The following ITPK1 variants were observed in gnomAD, a reference collection of about 807,000 sequenced individuals.
ITPK1 encodes inositol-tetrakisphosphate 1-kinase.
ITPK1 carries 21 observed loss-of-function variants against 45.3 expected under a neutral mutation model. The ratio of observed to expected loss-of-function variants is 0.46; its 90% CI spans 0.33 to 0.67. The LOEUF (loss-of-function observed/expected upper bound fraction) is 0.67, where lower values mean the gene tolerates loss of function less well. Among genes scored for constraint, ITPK1 ranks in the 30% least tolerant of loss-of-function variants. ITPK1 has a pLI of 0.02. For synonymous variants in ITPK1, 258 were observed against 253.6 expected, an observed-to-expected ratio of 1.02 and a Z score of -0.16; for missense variants, 474 against 573.5, an observed-to-expected ratio of 0.83 and a Z score of 1.77.
At chr14:92,987,880 G>A (rs972193701) in intron 5 of ITPK1, among the ~76,000 whole-genome samples, 25 of 152,166 alleles carry the variant, frequency 1.6e-4, no homozygotes, top group Admixed American at 6.5e-4. Flanking sequence ...ACGCCAGGAC[G>A]GCAGCTCACG....
intron 5 of ITPK1, among the ~76,000 whole-genome samples, chr14:92,991,939 T>C (rs2139805914): frequency 6.6e-6 from 1 of 152,276 alleles, no homozygotes; most frequent in South Asian, 2.1e-4. Flanking sequence ...TCATCCCAGG[T>C]ATCCTGACCC....
At chr14:92,963,238 C>T (rs1885184047) in intron 5 of ITPK1, among the ~76,000 whole-genome samples, 1 of 152,176 alleles carries the variant, frequency 6.6e-6, no homozygotes, top group Admixed American at 6.5e-5. Flanking sequence ...AAGCCATGAC[C>T]ATTTTTTCTG....
At chr14:93,059,887 G>A (rs1890444174) in intron 3 of ITPK1, among the ~76,000 whole-genome samples, 1 of 149,674 alleles carries the variant, frequency 6.7e-6, no homozygotes, top group Non-Finnish European at 1.5e-5. Flanking sequence ...CAGGGGTGGA[G>A]GGGGTGCAGG....
chr14:92,952,363 G>C (rs1887998036), intron 8 of ITPK1, among the ~76,000 whole-genome samples: 2 of 152,128 alleles, frequency 1.3e-5, no homozygotes, highest in African/African-American at 4.8e-5. Flanking sequence ...CTAAACACCT[G>C]AATATCACGG....
intron 4 of ITPK1, among the ~76,000 whole-genome samples, chr14:92,996,316 A>G (rs1314548547): frequency 6.6e-6 from 1 of 152,156 alleles, no homozygotes. Flanking sequence ...CATCACTCTG[A>G]GCAAACTATT....
At position 93,076,681 on chromosome 14, in the gene ITPK1, G is replaced by A; in HGVS notation, c.96-62C>T. On this transcript the variant is annotated intron_variant, in intron 2 of 10. Coordinates refer to ENST00000267615, the MANE Select transcript of ITPK1 (RefSeq NM_014216.6). The surrounding 1 kb of genome is among the most constrained non-coding windows in gnomAD (Gnocchi z 4.3). ...GCAGGCTGGACACGTCCTTTCCGAA[G>A]GTTCCCGACAGCCGGCTGAGGGCAG... The A allele has an allele frequency of 1.2e-6, 2 of 1,608,490 alleles. No individual in the cohort carries two copies. The highest frequency in any genetic ancestry group is 1.7e-6 in the Non-Finnish European group (2 of 1,175,108).
At chr14:92,976,065 C>T (rs1021642587) in intron 5 of ITPK1, among the ~76,000 whole-genome samples, 2 of 152,232 alleles carry the variant, frequency 1.3e-5, no homozygotes, top group East Asian at 3.8e-4. Flanking sequence ...CTAAGGCCTC[C>T]CTGGCCCTGC....
At chr14:93,090,587 T>C (rs1489929067) in intron 2 of ITPK1, among the ~76,000 whole-genome samples, 1 of 151,792 alleles carries the variant, frequency 6.6e-6, no homozygotes, top group Non-Finnish European at 1.5e-5. Flanking sequence ...TAGAGAGGAA[T>C]GAGCCCCATT....
At chr14:93,028,516 G>A (rs560723331) in intron 3 of ITPK1, among the ~76,000 whole-genome samples, 1 of 152,350 alleles carries the variant, frequency 6.6e-6, no homozygotes, top group South Asian at 2.1e-4. Flanking sequence ...AGGCAGCTGT[G>A]GGCAGACCTG....
At chr14:93,023,021 C>T (rs898757860) in intron 3 of ITPK1, among the ~76,000 whole-genome samples, 2 of 151,910 alleles carry the variant, frequency 1.3e-5, no homozygotes, top group Non-Finnish European at 2.9e-5. Flanking sequence ...TATAGCAGCC[C>T]CTTTTCTGTT....
chr14:92,940,682 G>A lies in ITPK1; in HGVS notation c.*879C>T, dbSNP rs1329079601. 7.8e-7 allele frequency: 1 copy of A among 1,282,256 alleles called. No individual in the cohort carries two copies. Among genetic ancestry groups the A allele is most frequent in the Non-Finnish European group, 1.0e-6 (1 of 985,426 alleles). The allele number at this position is 1,282,256 out of a possible 1,614,324, so 79.4% of individuals were successfully genotyped here. A position where few individuals can be genotyped will look rare whatever the true frequency, so the allele number is the denominator to read the frequency against. ...GGGGTTAGGGCACAAAGCCAGCCCT[G>A]TGGTGCTCTCTGATCTCAAATGTCC... On this transcript the variant is annotated 3_prime_UTR_variant, in exon 11 of 11. Transcript: ENST00000267615.
intron 5 of ITPK1, among the ~76,000 whole-genome samples, chr14:92,973,263 C>T (rs1338232533): frequency 6.6e-6 from 1 of 152,220 alleles, no homozygotes. Context: ...CAGTAAGAAC[C>T]ATCTCTCTGG....
At chr14:92,961,676 T>C (rs997551044) in intron 7 of ITPK1, among the ~76,000 whole-genome samples, 81 of 152,302 alleles carry the variant, frequency 5.3e-4, no homozygotes, top group African/African-American at 1.7e-3. Context: ...TAGCCAGCCC[T>C]GCAGGGCGGG....
chr14:92,943,158 G>A (rs114222695), intron 10 of ITPK1, among the ~76,000 whole-genome samples: 9 of 152,374 alleles, frequency 5.9e-5, no homozygotes, highest in East Asian at 3.9e-4. Context: ...CGAGCGTCCC[G>A]CAACATCCTC....
chr14:93,030,156 C>T (rs1888961741), intron 3 of ITPK1, among the ~76,000 whole-genome samples: 1 of 152,216 alleles, frequency 6.6e-6, no homozygotes, highest in African/African-American at 2.4e-5. Context: ...AGAGCGGCAC[C>T]CCGCATTTAC....
At chr14:92,974,675 C>G (rs1374953027) in intron 5 of ITPK1, among the ~76,000 whole-genome samples, 5 of 152,200 alleles carry the variant, frequency 3.3e-5, no homozygotes, top group South Asian at 2.1e-4. Flanking sequence ...CAGGTGCCCT[C>G]GTGGGACAAG....
At chr14:93,110,533 G>A (rs117903467) in intron 2 of ITPK1, among the ~76,000 whole-genome samples, 3,094 of 152,234 alleles carry the variant, frequency 0.02, 75 homozygotes, top group Admixed American at 0.08. Context: ...CAAGGGGAAG[G>A]GACAGGCCCG....
chr14:93,056,161 T>A (rs754807026), intron 3 of ITPK1, among the ~76,000 whole-genome samples: 24 of 152,008 alleles, frequency 1.6e-4, no homozygotes, highest in Admixed American at 1.5e-3. Context: ...GAGACTGGTG[T>A]GTGCAAAGCA....
intron 2 of ITPK1, among the ~76,000 whole-genome samples, chr14:93,114,374 T>G (rs1892859344): frequency 6.6e-6 from 1 of 152,194 alleles, no homozygotes; most frequent in Admixed American, 6.5e-5. Flanking sequence ...ACCACGGGCA[T>G]TTACCCAGCA....
Sources: allele counts gnomAD v4.1 joint callset (sites outside exome capture counted in the v4.1 genomes callset), GRCh38; gene constraint gnomAD v4.1.1; non-coding constraint Gnocchi (gnomAD v3.1); transcripts MANE v1.5; gene names NCBI Gene and HGNC (gene_info 2026-07-23, HGNC 2026-07-21).